GREM2: variants seen among roughly 807,000 people sequenced by gnomAD.
GREM2 encodes gremlin-2.
GREM2 carries 11 observed loss-of-function variants against 14.2 expected under a neutral mutation model. That is an observed-to-expected ratio of 0.78 (90% CI 0.49 to 1.28). The LOEUF (loss-of-function observed/expected upper bound fraction) is 1.28, where lower values mean the gene tolerates loss of function less well. Among genes scored for constraint, GREM2 ranks in the 50% most tolerant of loss-of-function variants. The pLI is 0.00. For synonymous variants in GREM2, 98 were observed against 97.6 expected (o/e 1.00, Z -0.02); for missense variants, 210 against 218.5 (o/e 0.96, Z 0.24).
At chr1:240,565,898 T>G (rs1679170114) in intron 1 of GREM2, among the ~76,000 whole-genome samples, 1 of 151,960 alleles carries the variant, frequency 6.6e-6, no homozygotes, top group Non-Finnish European at 1.5e-5. Context: ...TCCTATTTAT[T>G]GTATCTTCCA....
intron 1 of GREM2, among the ~76,000 whole-genome samples, chr1:240,529,579 T>A (rs1483531693): frequency 6.6e-6 from 1 of 151,986 alleles, no homozygotes; most frequent in African/African-American, 2.4e-5. Context: ...ATATGTCAGA[T>A]GAATAAAAAA....
chr1:240,605,644 A>C (rs1680010622), intron 1 of GREM2, among the ~76,000 whole-genome samples: 1 of 152,032 alleles, frequency 6.6e-6, no homozygotes, highest in African/African-American at 2.4e-5. Flanking sequence ...CAAAAATCAC[A>C]GCGTTTCCAG....
intron 1 of GREM2, among the ~76,000 whole-genome samples, chr1:240,511,086 C>T (rs1027961169): frequency 6.6e-6 from 1 of 152,166 alleles, no homozygotes; most frequent in Non-Finnish European, 1.5e-5. Flanking sequence ...TTCAGTTTTA[C>T]AAGTAATACT....
chr1:240,563,041 TGTGTGTATGTGTATAGTGA>T (rs558079540), intron 1 of GREM2, among the ~76,000 whole-genome samples: 34 of 144,100 alleles, frequency 2.4e-4, no homozygotes, highest in Non-Finnish European at 4.5e-4. Flanking sequence ...TGAGTGTGTA[TGTGTGTATGTGTATAGTGA>T]GTGTGTATGT....
At chr1:240,535,810 A>AG (rs1345990271) in intron 1 of GREM2, among the ~76,000 whole-genome samples, 1 of 151,276 alleles carries the variant, frequency 6.6e-6, no homozygotes, top group East Asian at 1.9e-4. Flanking sequence ...AAAAAAAAAA[A>AG]AAGAAAGAAA....
chr1:240,601,678 G>A (rs560710467), intron 1 of GREM2, among the ~76,000 whole-genome samples: 8 of 152,166 alleles, frequency 5.3e-5, no homozygotes, highest in East Asian at 3.9e-4. Context: ...AGGCCGAGGC[G>A]GGCATCTCTC....
At chr1:240,501,819 G>A (rs1677575316) in intron 1 of GREM2, among the ~76,000 whole-genome samples, 1 of 152,136 alleles carries the variant, frequency 6.6e-6, no homozygotes, top group Non-Finnish European at 1.5e-5. Context: ...GTTGCTGTCA[G>A]AAGAATGTGA....
rs75331445 is a variant in GREM2 at position 240,542,149 on chromosome 1, A to G, written c.-1-48673T>C. 0.019 allele frequency among the ~76,000 whole-genome samples: 2,887 copies of G among 152,104 alleles called. 68 individuals carry two copies. Among genetic ancestry groups the G allele is most frequent in the African/African-American group, 0.066 (2,730 of 41,492 alleles). On this transcript the variant is annotated intron_variant, in intron 1 of 1. Coordinates refer to ENST00000318160, the MANE Select transcript of GREM2 (RefSeq NM_022469.4). The surrounding 1 kb of genome is among the most constrained non-coding windows in gnomAD (Gnocchi z 4.1). The stretch of plus-strand genomic sequence containing the variant: ...TGCCGAACATCCTGCAATGCACAAG[A>G]CAGTCCTCCACGACAAAACACCATC...
rs549325988 is a variant in GREM2, at chr1:240,549,877, G to A, written c.-1-56401C>T. On this transcript the variant is annotated intron_variant, in intron 1 of 1. Coordinates refer to ENST00000318160, the MANE Select transcript of GREM2 (RefSeq NM_022469.4). ...ATTAAGGGATGAATTAGAGCCATGA[G>A]GTGGGGCATAGACTGTTCAGCCGGT... 2.0e-5 allele frequency: 3 copies of A among 152,480 alleles called. No homozygotes were observed. The South Asian group carries it at 6.2e-4, about 32-fold the overall frequency. 9.4% of individuals were successfully genotyped at this position (152,480 alleles called of 1,614,324 possible). A position where few individuals can be genotyped will look rare whatever the true frequency, so the allele number is the denominator to read the frequency against.
At chr1:240,571,373 G>A (rs1171329376) in intron 1 of GREM2, among the ~76,000 whole-genome samples, 1 of 152,256 alleles carries the variant, frequency 6.6e-6, no homozygotes, top group Non-Finnish European at 1.5e-5. Context: ...TTCTTTTTCT[G>A]TAGAGTAGTT....
intron 1 of GREM2, among the ~76,000 whole-genome samples, chr1:240,553,482 C>T (rs1447546410): frequency 6.6e-6 from 1 of 152,206 alleles, no homozygotes; most frequent in African/African-American, 2.4e-5. Context: ...AATCTCAACT[C>T]AGCATGAAAT....
intron 1 of GREM2, among the ~76,000 whole-genome samples, chr1:240,505,452 T>TA (rs975580600): frequency 7.9e-5 from 12 of 152,040 alleles, no homozygotes; most frequent in African/African-American, 2.2e-4. Flanking sequence ...AAAACAACAA[T>TA]AAAAAAACTC....
chr1:240,515,948 C>T (rs967412107), intron 1 of GREM2, among the ~76,000 whole-genome samples: 2 of 152,118 alleles, frequency 1.3e-5, no homozygotes, highest in African/African-American at 2.4e-5. Flanking sequence ...ATTCCTCTGG[C>T]TCCTAAAGGT....
At chr1:240,580,760 A>G (rs1679468250) in intron 1 of GREM2, among the ~76,000 whole-genome samples, 1 of 152,048 alleles carries the variant, frequency 6.6e-6, no homozygotes, top group African/African-American at 2.4e-5. Context: ...TTTTGAAGAG[A>G]TGGTGTCTCA....
chr1:240,556,063 G>A (rs1678948630), intron 1 of GREM2, among the ~76,000 whole-genome samples: 1 of 152,130 alleles, frequency 6.6e-6, no homozygotes, highest in African/African-American at 2.4e-5. Flanking sequence ...AAAATAATGA[G>A]AGATTGATGT....
At chr1:240,557,340 A>G (rs1030846018) in intron 1 of GREM2, among the ~76,000 whole-genome samples, 1 of 152,182 alleles carries the variant, frequency 6.6e-6, no homozygotes, top group African/African-American at 2.4e-5. Flanking sequence ...ATATCCAGAC[A>G]GTAAACTGAA....
chr1:240,513,175 G>A (rs1677873030), intron 1 of GREM2, among the ~76,000 whole-genome samples: 1 of 152,178 alleles, frequency 6.6e-6, no homozygotes. Context: ...CCTATGGCAT[G>A]CAACGTGAGA....
At chr1:240,602,282 T>C (rs374666565) in intron 1 of GREM2, among the ~76,000 whole-genome samples, 4 of 152,330 alleles carry the variant, frequency 2.6e-5, no homozygotes, top group African/African-American at 9.6e-5. Flanking sequence ...GGGTACTTAG[T>C]GGGCCAGAAT....
At chr1:240,593,599 A>G (rs1019239983) in intron 1 of GREM2, among the ~76,000 whole-genome samples, 3 of 152,200 alleles carry the variant, frequency 2.0e-5, no homozygotes, top group African/African-American at 7.2e-5. Context: ...AGTTCTCAAT[A>G]AAAGTTGGTT....
Sources: gnomAD v4.1 joint callset for allele counts (sites outside exome capture counted in the v4.1 genomes callset) on GRCh38, gnomAD v4.1.1 for gene constraint, Gnocchi (gnomAD v3.1) non-coding constraint, MANE v1.5 for transcripts, NCBI Gene and HGNC (gene_info 2026-07-23, HGNC 2026-07-21) for gene names.